PAM: variants seen among roughly 807,000 people sequenced by gnomAD.
PAM encodes the protein peptidyl-glycine alpha-amidating monooxygenase.
In PAM, 72 loss-of-function variants were observed where a neutral mutation model predicts 122.1. The observed-to-expected ratio is 0.59, with a 90% CI of 0.49 to 0.72. The LOEUF is 0.72. PAM is among the 30% of genes least tolerant of loss of function. The probability of loss-of-function intolerance (pLI) is 0.00; values close to 1 mark genes in which losing one functional copy is unlikely to be tolerated. For missense variants in PAM, 1,106 were observed against 1,183.7 expected (o/e 0.93, Z 0.96); for synonymous variants, 389 against 404.4 (o/e 0.96, Z 0.46).
Position 102,794,810 on chromosome 5 carries a change from G to C in PAM, c.-374+39462G>C, listed in dbSNP as rs149519507. Among the ~76,000 whole-genome samples the C allele has an allele frequency of 6.9e-3, 1,053 of 152,192 alleles. 9 individuals are homozygous for C. Among genetic ancestry groups the C allele is most frequent in the Non-Finnish European group, 0.013 (880 of 67,996 alleles). On this transcript the variant is annotated intron_variant, in intron 1 of 25. Coordinates refer to ENST00000438793, the MANE Select transcript of PAM (RefSeq NM_001177306.2). ...GAGATTTACAAGTCCTGTGTCCATT[G>C]TGTTGTTTACTTAGGTTATTTGGCT...
chr5:102,912,610 G>C (rs1343016291), intron 4 of PAM, among the ~76,000 whole-genome samples: 1 of 150,642 alleles, frequency 6.6e-6, no homozygotes, highest in African/African-American at 2.5e-5. Flanking sequence ...GCTTCATGAT[G>C]ATAAGGACTT....
intron 15 of PAM, among the ~76,000 whole-genome samples, chr5:102,984,003 C>G (rs1770862364): frequency 1.3e-5 from 2 of 152,226 alleles, no homozygotes; most frequent in South Asian, 2.1e-4. Flanking sequence ...ACAACAAATG[C>G]ATAAAGAAGT....
Position 102,990,152 on chromosome 5 carries a change from C to CT in PAM, c.1484-113dup, listed in dbSNP as rs1158774927. 9.0e-6 allele frequency: 6 copies of CT among 670,326 alleles called. No homozygotes were observed. The African/African-American group carries it at 9.1e-5, about 10-fold the overall frequency. The allele number at this position is 670,326 out of a possible 1,614,324, so 41.5% of individuals were successfully genotyped here. On this transcript the variant is annotated intron_variant, in intron 15 of 25. Coordinates refer to ENST00000438793, the MANE Select transcript of PAM (RefSeq NM_001177306.2). ...TTTATGTAGAGCACGGCTTGATTGT[C>CT]TTTTTTTATTTCTTTGCATCTAGTG...
chr5:102,921,130 A>G (rs776420071), intron 5 of PAM, among the ~76,000 whole-genome samples: 6 of 152,096 alleles, frequency 3.9e-5, no homozygotes, highest in Non-Finnish European at 8.8e-5. Flanking sequence ...AGCTATGTGA[A>G]CCCTTCCACA....
chr5:102,850,059 A>G (rs979938613), intron 1 of PAM, among the ~76,000 whole-genome samples: 1 of 152,194 alleles, frequency 6.6e-6, no homozygotes, highest in Non-Finnish European at 1.5e-5. Context: ...AAACTTTACT[A>G]TGAGATCCTG....
At chr5:103,004,181 C>A (rs1179718218) in intron 17 of PAM, among the ~76,000 whole-genome samples, 1 of 152,156 alleles carries the variant, frequency 6.6e-6, no homozygotes, top group African/African-American at 2.4e-5. Flanking sequence ...TTTTTAACAG[C>A]ATTCTCAAGA....
intron 1 of PAM, among the ~76,000 whole-genome samples, chr5:102,808,900 GT>G (rs1330825284): frequency 6.6e-6 from 1 of 152,164 alleles, no homozygotes. Flanking sequence ...CTTCATGAAA[GT>G]TTTCCTTGAA....
intron 1 of PAM, among the ~76,000 whole-genome samples, chr5:102,772,561 A>G (rs566318477): frequency 6.6e-6 from 1 of 152,244 alleles, no homozygotes; most frequent in South Asian, 2.1e-4. Context: ...AGTAAACTAT[A>G]CAGGCCCCTT....
At chr5:102,767,269 A>T (rs1218518415) in intron 1 of PAM, among the ~76,000 whole-genome samples, 1 of 152,052 alleles carries the variant, frequency 6.6e-6, no homozygotes, top group Admixed American at 6.5e-5. Flanking sequence ...TGCAGAAAAG[A>T]GTTGGACACA....
At chr5:103,015,490 CT>C (rs1427888153) in intron 21 of PAM, among the ~76,000 whole-genome samples, 1 of 152,076 alleles carries the variant, frequency 6.6e-6, no homozygotes, top group East Asian at 1.9e-4. Flanking sequence ...ATTAGAAGAT[CT>C]TTATGTCTGT....
intron 21 of PAM, among the ~76,000 whole-genome samples, chr5:103,014,373 GAA>G (rs1781438398): frequency 6.6e-6 from 1 of 152,166 alleles, no homozygotes; most frequent in South Asian, 2.1e-4. Flanking sequence ...CAGCAAACTT[GAA>G]AAGAGTCTCA....
chr5:102,867,187 G>A, intron 2 of PAM, 86 bp from the exon 3 acceptor site: 2 of 875,726 alleles, frequency 2.3e-6, no homozygotes, highest in South Asian at 3.1e-5. Flanking sequence ...CATCTTTAAG[G>A]TCATAGAATT....
chr5:102,790,811 C>G (rs1024126180), intron 1 of PAM, among the ~76,000 whole-genome samples: 1 of 151,894 alleles, frequency 6.6e-6, no homozygotes, highest in Non-Finnish European at 1.5e-5. Context: ...TATACTTGTT[C>G]ATTATGAAAA....
chr5:102,818,452 A>G (rs1333866099), intron 1 of PAM, among the ~76,000 whole-genome samples: 1 of 152,100 alleles, frequency 6.6e-6, no homozygotes, highest in African/African-American at 2.4e-5. Context: ...TAACTGTCAA[A>G]TGGTTAAACC....
At chr5:102,828,293 G>A (rs187153728) in intron 1 of PAM, among the ~76,000 whole-genome samples, 6 of 151,896 alleles carry the variant, frequency 4.0e-5, no homozygotes, top group Non-Finnish European at 7.4e-5. Context: ...GTTGCAATGA[G>A]CCCAAGATCT....
chr5:102,972,697 C>T (rs185121158), intron 14 of PAM, among the ~76,000 whole-genome samples: 11 of 152,274 alleles, frequency 7.2e-5, no homozygotes, highest in Admixed American at 2.0e-4. Flanking sequence ...GTGTGGTACA[C>T]GAGAATTTAG....
At chr5:102,787,318 T>C (rs530905638) in intron 1 of PAM, among the ~76,000 whole-genome samples, 6 of 152,186 alleles carry the variant, frequency 3.9e-5, no homozygotes, top group African/African-American at 1.2e-4. Flanking sequence ...ATGTTCTAAA[T>C]GTAGCTACCA....
intron 15 of PAM, among the ~76,000 whole-genome samples, chr5:102,987,835 T>C (rs1772425336): frequency 6.6e-6 from 1 of 152,152 alleles, no homozygotes; most frequent in African/African-American, 2.4e-5. Flanking sequence ...GCATACCAGC[T>C]GTCATTCTGC....
At chr5:102,877,288 A>C (rs1789530790) in intron 3 of PAM, among the ~76,000 whole-genome samples, 3 of 152,252 alleles carry the variant, frequency 2.0e-5, no homozygotes. Context: ...AAGAAATGTT[A>C]GCAAGTAGCT....
Sources: gnomAD v4.1 joint callset for allele counts (sites outside exome capture counted in the v4.1 genomes callset) on GRCh38, gnomAD v4.1.1 for gene constraint, MANE v1.5 for transcripts, NCBI Gene and HGNC (gene_info 2026-07-23, HGNC 2026-07-21) for gene names.